TMEM131: variants seen among roughly 807,000 people sequenced by gnomAD.
TMEM131 encodes the protein transmembrane protein 131.
In TMEM131, 66 loss-of-function variants were observed where a neutral mutation model predicts 211.6. The ratio of observed to expected loss-of-function variants is 0.31; its 90% CI spans 0.26 to 0.38. The LOEUF (loss-of-function observed/expected upper bound fraction) is 0.38. Among genes scored for constraint, TMEM131 ranks in the 10% least tolerant of loss-of-function variants. TMEM131 has a pLI of 1.00. For synonymous variants in TMEM131, 844 were observed against 841.3 expected (o/e 1.00, Z -0.06); for missense variants, 2,036 against 2,299.3 (o/e 0.89, Z 2.34).
intron 1 of TMEM131, among the ~76,000 whole-genome samples, chr2:97,940,605 G>C (rs867070705): frequency 2.0e-5 from 3 of 152,000 alleles, no homozygotes; most frequent in Non-Finnish European, 4.4e-5. Flanking sequence ...TCAGGAGATC[G>C]AGACTATCCT....
chr2:97,970,654 G>A (rs1410934653), intron 1 of TMEM131, among the ~76,000 whole-genome samples: 2 of 152,144 alleles, frequency 1.3e-5, no homozygotes, highest in Non-Finnish European at 2.9e-5. Flanking sequence ...GGAAGAGCAG[G>A]TGCTCTGCTG....
chr2:97,805,815 T>TTTGGGA, intron 19 of TMEM131, 112 bp from the exon 20 acceptor site: 5 of 970,264 alleles, frequency 5.2e-6, no homozygotes, highest in Non-Finnish European at 7.2e-6. Flanking sequence ...CCAAAAGACA[T>TTTGGGA]CTTAGAATGT....
intron 22 of TMEM131, among the ~76,000 whole-genome samples, chr2:97,804,027 T>G (rs1681164969): frequency 6.6e-6 from 1 of 151,850 alleles, no homozygotes; most frequent in African/African-American, 2.4e-5. Context: ...AAACTTTTCA[T>G]AGCAGAGAGT....
In TMEM131 at chr2:97,793,379, C is replaced by G. The variant is rs1428378064; in HGVS notation, c.3545+16G>C. 45 of 1,599,068 alleles carry G rather than the reference C, an allele frequency of 2.8e-5. No homozygotes were observed. Among genetic ancestry groups the G allele is most frequent in the Non-Finnish European group, 3.8e-5 (45 of 1,170,410 alleles). On this transcript the variant is annotated intron_variant, in intron 30 of 40. Coordinates refer to ENST00000186436, the MANE Select transcript of TMEM131 (RefSeq NM_015348.2). The stretch of plus-strand genomic sequence containing the variant: ...CTATGTACACTAGGGAATTTATTGC[C>G]AGCATGTGAACATACTTTCCTTCAG...
intron 4 of TMEM131, among the ~76,000 whole-genome samples, chr2:97,886,666 A>G (rs1280594303): frequency 1.3e-5 from 2 of 152,144 alleles, no homozygotes; most frequent in East Asian, 1.9e-4. Context: ...GCATCCACAC[A>G]GTGGGTCAGG....
intron 6 of TMEM131, 24 bp from the exon 7 acceptor site, chr2:97,841,961 G>A: frequency 6.7e-7 from 1 of 1,492,810 alleles, no homozygotes; most frequent in Non-Finnish European, 9.0e-7. Flanking sequence ...GGAAAAAAAT[G>A]CAATTTTAGT....
intron 1 of TMEM131, among the ~76,000 whole-genome samples, chr2:97,929,935 T>C (rs1480884941): frequency 2.6e-5 from 4 of 151,744 alleles, no homozygotes; most frequent in Non-Finnish European, 4.4e-5. Context: ...ACAGTATACT[T>C]AGAATGTCTC....
chr2:97,837,106 C>T lies in TMEM131; in HGVS notation c.775G>A (p.Gly259Ser). ...GGDLHLELPT[G>S]QQGGTRKLWE... Reference sequence around the variant, plus strand: ...AGTTTTCTGGTACCTCCTTGTTGACCCGTTGGGAGTTCTAGGTGAAGGTCT... The same window carrying T: ...AGTTTTCTGGTACCTCCTTGTTGACTCGTTGGGAGTTCTAGGTGAAGGTCT... Residue 259 changes from glycine (G) to serine (S), a missense_variant, in exon 8 of 41, where the codon GGT (glycine) becomes AGT (serine). This residue lies in a region of TMEM131 where 277 missense variants were observed against 378.0 expected (regional missense o/e 0.73). Transcript: ENST00000186436. 1.9e-6 allele frequency: 3 copies of T among 1,611,822 alleles called. No individual in the cohort carries two copies. The highest frequency in any genetic ancestry group is 2.5e-6 in the Non-Finnish European group (3 of 1,179,070).
At chr2:97,993,728 C>A (rs1012688449) in intron 1 of TMEM131, among the ~76,000 whole-genome samples, 8 of 152,200 alleles carry the variant, frequency 5.3e-5, no homozygotes, top group Admixed American at 3.3e-4. Flanking sequence ...AATCCTTACA[C>A]ACATTTATGG....
chr2:97,888,577 A>G (rs979910979), intron 3 of TMEM131, among the ~76,000 whole-genome samples: 1 of 152,250 alleles, frequency 6.6e-6, no homozygotes, highest in Non-Finnish European at 1.5e-5. Flanking sequence ...CAAACTTCCA[A>G]GAATTGAAAT....
rs1681569902 is a variant in TMEM131 at position 97,812,029 on chromosome 2, G to GGACA, written c.1863+388_1863+391dup. 2.0e-5 allele frequency among the ~76,000 whole-genome samples: 3 copies of GGACA among 152,314 alleles called. No individual in the cohort carries two copies. In the South Asian group the frequency reaches 6.2e-4, roughly 32 times the overall value. On this transcript the variant is annotated intron_variant, in intron 17 of 40. Transcript: ENST00000186436. ...CCTCACTGATACTGAGGCAGTATCT[G>GGACA]GACAGACGTATTATTGCATAATTGA... is the stretch of plus-strand genomic sequence containing the variant.
rs190191503 is a variant in TMEM131 at position 97,859,168 on chromosome 2, T to C, written c.483+136A>G. 5.4e-6 allele frequency: 5 copies of C among 923,124 alleles called. No individual in the cohort carries two copies. The East Asian group carries it at 1.1e-4, about 21-fold the overall frequency. 57.2% of individuals were successfully genotyped at this position (923,124 alleles called of 1,614,324 possible). A position where few individuals can be genotyped will look rare whatever the true frequency, so the allele number is the denominator to read the frequency against. On this transcript the variant is annotated intron_variant, in intron 5 of 40. Coordinates refer to ENST00000186436, the MANE Select transcript of TMEM131 (RefSeq NM_015348.2). ...GGTTAAGGGTAGAAGTAATCATTCT[T>C]AGGAAGTGAAACAAATCTAGGAACA...
At chr2:97,808,287 G>T (rs1161872036) in intron 19 of TMEM131, among the ~76,000 whole-genome samples, 1 of 152,150 alleles carries the variant, frequency 6.6e-6, no homozygotes, top group Non-Finnish European at 1.5e-5. Context: ...TTGGGTTAGG[G>T]ATGCTCAACT....
rs542123520 is a variant in TMEM131 at position 97,792,792 on chromosome 2, C to T, written c.3738G>A (p.Arg1246=). The T allele has an allele frequency of 1.2e-6, 2 of 1,614,044 alleles. No individual in the cohort carries two copies. Among genetic ancestry groups the T allele is most frequent in the South Asian group, 1.1e-5 (1 of 91,080 alleles). The change falls in exon 31 of 41, where the codon AGG becomes AGA. Residue 1246 remains arginine, a synonymous_variant. Coordinates refer to ENST00000186436, the MANE Select transcript of TMEM131 (RefSeq NM_015348.2). The part of the protein sequence containing the change: ...RAKNSSSTSS[R]TSAQAASSQS... Reference sequence around the variant, plus strand: ...GTGAAGAAGCTGCTTGAGCAGAAGTCCTACTAGAGGTACTTGAACTGTTTT... The same window carrying T: ...GTGAAGAAGCTGCTTGAGCAGAAGTTCTACTAGAGGTACTTGAACTGTTTT...
intron 25 of TMEM131, among the ~76,000 whole-genome samples, chr2:97,799,522 G>T (rs1680922845): frequency 6.6e-6 from 1 of 152,226 alleles, no homozygotes; most frequent in African/African-American, 2.4e-5. Flanking sequence ...ACAGAAATAA[G>T]TGAGCCTACT....
At chr2:97,887,053 C>T (rs1404102962) in intron 4 of TMEM131, among the ~76,000 whole-genome samples, 2 of 152,066 alleles carry the variant, frequency 1.3e-5, no homozygotes, top group African/African-American at 4.8e-5. Flanking sequence ...TGTCTGTTGG[C>T]TTGGGGTGAC....
chr2:97,995,444 C>A (rs1212620239), intron 1 of TMEM131, 32 bp downstream of exon 1: 3 of 1,344,892 alleles, frequency 2.2e-6, no homozygotes, highest in African/African-American at 1.5e-5. Context: ...GGTGACAGCC[C>A]CGCCGCAGGG....
chr2:97,981,177 T>C (rs994600062), intron 1 of TMEM131, among the ~76,000 whole-genome samples: 3 of 152,036 alleles, frequency 2.0e-5, no homozygotes, highest in Non-Finnish European at 4.4e-5. Context: ...TTCTAGAGGT[T>C]TTCCTCATTC....
At chr2:97,975,231 CTAAG>C (rs1559485161) in intron 1 of TMEM131, among the ~76,000 whole-genome samples, 3 of 150,794 alleles carry the variant, frequency 2.0e-5, no homozygotes, top group Non-Finnish European at 3.0e-5. Flanking sequence ...AAATTACACT[CTAAG>C]TAAGCAAAGA....
Sources: allele counts gnomAD v4.1 joint callset (sites outside exome capture counted in the v4.1 genomes callset), GRCh38; gene constraint gnomAD v4.1.1; regional missense constraint gnomAD v4.1.1; transcripts MANE v1.5; gene names NCBI Gene and HGNC (gene_info 2026-07-23, HGNC 2026-07-21).